The following PSMD1 variants were observed in gnomAD, a reference collection of about 807,000 sequenced individuals.
PSMD1 encodes the protein 26S proteasome non-ATPase regulatory subunit 1.
PSMD1 carries 18 observed loss-of-function variants against 119.0 expected under a neutral mutation model. That is an observed-to-expected ratio of 0.15 (90% CI 0.10 to 0.22). PSMD1 has a LOEUF of 0.22. PSMD1 is among the 10% of genes least tolerant of loss of function. The pLI is 1.00. For synonymous variants in PSMD1, 374 were observed against 396.6 expected (o/e 0.94, Z 0.68); for missense variants, 702 against 1,158.5 (o/e 0.61, Z 5.72).
intron 4 of PSMD1, among the ~76,000 whole-genome samples, chr2:231,063,124 A>G (rs993801031): frequency 6.6e-6 from 1 of 152,202 alleles, no homozygotes; most frequent in African/African-American, 2.4e-5. Context: ...TGGTTATTAA[A>G]TAGAAGGATA....
intron 1 of PSMD1, among the ~76,000 whole-genome samples, chr2:231,057,360 TG>T (rs985990246): frequency 2.0e-5 from 3 of 152,188 alleles, no homozygotes; most frequent in African/African-American, 7.2e-5. Flanking sequence ...CTCCCATTCT[TG>T]GCCGTGTGAG....
chr2:231,170,434 A>G lies in PSMD1; in HGVS notation c.2716-132A>G. The G allele has an allele frequency of 3.2e-6, 3 of 939,694 alleles. No homozygotes were observed. The highest frequency in any genetic ancestry group is 4.5e-6 in the Non-Finnish European group (3 of 659,392). 58.2% of individuals were successfully genotyped at this position (939,694 alleles called of 1,614,324 possible). On this transcript the variant is annotated intron_variant, in intron 23 of 24. Transcript: ENST00000308696. This position sits in a 1 kb window ranked among gnomAD's most constrained non-coding sequence, Gnocchi z 4.1. ...GATCACAGTTATCTTTATCCCAGTA[A>G]AGTTCTACTCCAGTTTTTCACTTCC...
At chr2:231,108,159 T>A (rs1008516805) in intron 16 of PSMD1, 6 of 247,852 alleles carry the variant, frequency 2.4e-5, no homozygotes, top group Admixed American at 2.1e-4. Flanking sequence ...TAATGTTTGT[T>A]TTGTTTTATT....
intron 12 of PSMD1, 83 bp downstream of exon 12, chr2:231,080,397 G>GA: frequency 8.4e-7 from 1 of 1,193,630 alleles, no homozygotes; most frequent in Non-Finnish European, 1.1e-6. Flanking sequence ...AGTGACTGGA[G>GA]ATTTTGTAGA....
intron 16 of PSMD1, among the ~76,000 whole-genome samples, chr2:231,125,370 A>C (rs985476559): frequency 6.6e-6 from 1 of 152,216 alleles, no homozygotes; most frequent in Non-Finnish European, 1.5e-5. Context: ...AATAAGATAT[A>C]ATCTAGCTAT....
intron 7 of PSMD1, among the ~76,000 whole-genome samples, chr2:231,074,136 G>A (rs1330347176): frequency 6.6e-6 from 1 of 152,068 alleles, no homozygotes; most frequent in Non-Finnish European, 1.5e-5. Context: ...CAGAGTCTCA[G>A]TCTTGTCACC....
intron 16 of PSMD1, among the ~76,000 whole-genome samples, chr2:231,126,248 A>G (rs1695716049): frequency 6.6e-6 from 1 of 152,114 alleles, no homozygotes; most frequent in African/African-American, 2.4e-5. Flanking sequence ...AAAAAACCAC[A>G]TAAATTAGCC....
At chr2:231,126,362 G>A (rs566974301) in intron 16 of PSMD1, among the ~76,000 whole-genome samples, 1 of 152,184 alleles carries the variant, frequency 6.6e-6, no homozygotes, top group South Asian at 2.1e-4. Flanking sequence ...GCATGAACCT[G>A]GGGGAGGTCG....
At chr2:231,064,195 T>C (rs1693836960) in intron 4 of PSMD1, among the ~76,000 whole-genome samples, 1 of 152,218 alleles carries the variant, frequency 6.6e-6, no homozygotes. Context: ...TCACCCTTCC[T>C]CTAGTTTTGT....
At chr2:231,061,127 C>G in intron 1 of PSMD1, 140 bp from the exon 2 acceptor site, 1 of 583,490 alleles carries the variant, frequency 1.7e-6, no homozygotes, top group South Asian at 2.1e-5. Context: ...TTTACACTTT[C>G]AAAGAAAAAT....
intron 16 of PSMD1, among the ~76,000 whole-genome samples, chr2:231,128,593 A>G (rs1048001732): frequency 2.0e-5 from 3 of 152,200 alleles, no homozygotes; most frequent in Non-Finnish European, 4.4e-5. Flanking sequence ...CTTTTCATCC[A>G]TCCTATCCTT....
chr2:231,088,288 C>G (rs2125179036), intron 16 of PSMD1, among the ~76,000 whole-genome samples: 1 of 152,282 alleles, frequency 6.6e-6, no homozygotes, highest in Admixed American at 6.5e-5. Flanking sequence ...TAATTCATTA[C>G]TGTCTACTTA....
chr2:231,066,836 T>C, intron 4 of PSMD1, 70 bp from the exon 5 acceptor site: 4 of 1,233,514 alleles, frequency 3.2e-6, no homozygotes, highest in African/African-American at 1.5e-5. Context: ...TGATTATAAA[T>C]ATAGGCATTG....
chr2:231,140,911 G>A (rs1404320487), intron 17 of PSMD1, among the ~76,000 whole-genome samples: 2 of 152,076 alleles, frequency 1.3e-5, no homozygotes, highest in Non-Finnish European at 2.9e-5. Flanking sequence ...GCTTACACCT[G>A]TAATCCCAGC....
chr2:231,057,044 G>A lies in PSMD1; in HGVS notation c.16+3G>A. ...CGCAGCCATGATCACCTCGGCCGGT[G>A]AGTGCGGCCCGTAGCCAGCGCCTGG... On this transcript the variant is annotated splice_donor_region_variant and intron_variant, in intron 1 of 24. Transcript: ENST00000308696. 6.5e-7 allele frequency: 1 copy of A among 1,531,436 alleles called. No homozygotes were observed. The highest frequency in any genetic ancestry group is 8.8e-7 in the Non-Finnish European group (1 of 1,141,092). The allele number at this position is 1,531,436 out of a possible 1,614,324, so 94.9% of individuals were successfully genotyped here.
intron 20 of PSMD1, 114 bp downstream of exon 20, chr2:231,161,623 T>A: frequency 2.6e-6 from 3 of 1,133,204 alleles, no homozygotes; most frequent in Non-Finnish European, 3.8e-6. Context: ...TAACATCTTA[T>A]AATAACATTT....
chr2:231,138,994 C>G (rs1334419304), intron 17 of PSMD1, 144 bp downstream of exon 17: 2 of 727,050 alleles, frequency 2.8e-6, no homozygotes, highest in Non-Finnish European at 5.1e-6. Flanking sequence ...CCCAGTACTC[C>G]CTCATTCTGC....
intron 16 of PSMD1, among the ~76,000 whole-genome samples, chr2:231,118,756 C>G (rs1695432463): frequency 6.6e-6 from 1 of 152,162 alleles, no homozygotes; most frequent in South Asian, 2.1e-4. Context: ...TAATTAGCAT[C>G]AGTCCATAAA....
chr2:231,150,307 A>G (rs931735923), intron 18 of PSMD1, among the ~76,000 whole-genome samples: 1 of 151,940 alleles, frequency 6.6e-6, no homozygotes, highest in Non-Finnish European at 1.5e-5. Flanking sequence ...AGATCACACC[A>G]CTGCACTCCA....
Sources: allele counts gnomAD v4.1 joint callset (sites outside exome capture counted in the v4.1 genomes callset), GRCh38; gene constraint gnomAD v4.1.1; non-coding constraint Gnocchi (gnomAD v3.1); transcripts MANE v1.5; gene names NCBI Gene and HGNC (gene_info 2026-07-23, HGNC 2026-07-21).